JCAD: variants seen among roughly 807,000 people sequenced by gnomAD.
JCAD encodes the protein junctional cadherin 5 associated, also known as junctional cadherin 5-associated protein.
A neutral mutation model predicts 98.0 loss-of-function variants in JCAD; 40 were observed. The observed-to-expected ratio is 0.41, with a 90% CI of 0.32 to 0.53. The LOEUF is 0.53. JCAD is among the 20% of genes least tolerant of loss of function. The pLI is 0.31. For synonymous variants in JCAD, 691 were observed against 682.3 expected, an observed-to-expected ratio of 1.01 and a Z score of -0.20; for missense variants, 1,705 against 1,738.1, an observed-to-expected ratio of 0.98 and a Z score of 0.34.
chr10:30,103,359 A>C (rs1838502854), intron 1 of JCAD, among the ~76,000 whole-genome samples: 1 of 152,206 alleles, frequency 6.6e-6, no homozygotes, highest in South Asian at 2.1e-4. Flanking sequence ...GTTGTTCCTC[A>C]AAAATTAAAA....
At chr10:30,062,268 G>A (rs1053810775), upstream of JCAD, among the ~76,000 whole-genome samples, 29 of 152,182 alleles carry the variant, frequency 1.9e-4, no homozygotes, top group African/African-American at 7.0e-4. Context: ...ATTTCAAGAT[G>A]CTTGTAGTTT....
chr10:30,050,500 G>A (rs1267879704), intron 1 of JCAD, among the ~76,000 whole-genome samples: 1 of 151,836 alleles, frequency 6.6e-6, no homozygotes. Context: ...TTACTATGCC[G>A]GGCTCTTTAA....
upstream of JCAD, among the ~76,000 whole-genome samples, chr10:30,061,434 C>T (rs532390971): frequency 2.0e-5 from 3 of 151,436 alleles, no homozygotes; most frequent in South Asian, 6.3e-4. Flanking sequence ...CCCAGGTACT[C>T]GGGATGCTGA....
intron 2 of JCAD, among the ~76,000 whole-genome samples, chr10:30,064,733 G>A (rs1249128177): frequency 6.6e-6 from 1 of 151,640 alleles, no homozygotes; most frequent in Admixed American, 6.6e-5. Context: ...GTGCAGTGGT[G>A]TAATTTCAGC....
intron 1 of JCAD, among the ~76,000 whole-genome samples, chr10:30,077,079 G>A (rs1243545149): frequency 6.6e-6 from 1 of 152,138 alleles, no homozygotes; most frequent in African/African-American, 2.4e-5. Flanking sequence ...CAGCCTGGGC[G>A]GGCCACTGAA....
rs61741026 is a variant in JCAD, at chr10:30,026,310, C to A, written c.3838G>T (p.Asp1280Tyr). 1.4e-5 allele frequency: 22 copies of A among 1,613,946 alleles called. No homozygotes were observed. Among genetic ancestry groups the A allele is most frequent in the Admixed American group, 5.0e-5 (3 of 60,014 alleles). Residue 1280 changes from aspartate (D) to tyrosine (Y), a missense_variant, in exon 3 of 4, where the codon GAC becomes TAC. By Grantham distance (160) the Asp-to-Tyr change is radical. Transcript: ENST00000375377. Reference protein sequence around the residue: ...RMRVLSFRNADSQEDAEELKA... With the variant: ...RMRVLSFRNAYSQEDAEELKA... ...AATTCCTCGGCGTCCTCCTGGGAGT[C>A]GGCATTCCTGAAGCTCAGGACTCTC... is the stretch of plus-strand genomic sequence containing the variant.
chr10:30,027,372 G>C lies in JCAD; in HGVS notation c.2776C>G (p.Arg926Gly). 1 of 1,609,452 alleles carries C rather than the reference G, an allele frequency of 6.2e-7. No individual in the cohort carries two copies. Among genetic ancestry groups the C allele is most frequent in the South Asian group, 1.1e-5 (1 of 91,088 alleles). ...CGGCCCGGGGATGGAGGCCAGGCAC[G>C]TGGGTGGCCAGGCTGCAGCTCCTCA... is the stretch of plus-strand genomic sequence containing the variant. ...WSEELQPGHP[R>G]AWPPSPGRFR... Residue 926 changes from arginine to glycine, a missense_variant, in exon 3 of 4, where the codon CGT (arginine) becomes GGT (glycine). Arg to Gly is a moderately radical substitution (Grantham distance 125). Coordinates refer to ENST00000375377, the MANE Select transcript of JCAD (RefSeq NM_020848.4).
chr10:30,065,350 A>T (rs569999549), intron 2 of JCAD, among the ~76,000 whole-genome samples: 3 of 152,284 alleles, frequency 2.0e-5, no homozygotes, highest in African/African-American at 7.2e-5. Flanking sequence ...TATTACATGG[A>T]TCCTGAAAAT....
At chr10:30,033,816 C>G (rs2132625745) in intron 2 of JCAD, among the ~76,000 whole-genome samples, 1 of 152,300 alleles carries the variant, frequency 6.6e-6, no homozygotes, top group East Asian at 1.9e-4. Flanking sequence ...CCCTTCCAAT[C>G]ACAGAGGCAG....
intron 2 of JCAD, among the ~76,000 whole-genome samples, chr10:30,065,281 A>C (rs1837764123): frequency 6.6e-6 from 1 of 152,192 alleles, no homozygotes; most frequent in African/African-American, 2.4e-5. Flanking sequence ...AGAAAAGATA[A>C]ATATTTAAGG....
At chr10:30,092,643 G>A (rs1296042734) in intron 1 of JCAD, among the ~76,000 whole-genome samples, 1 of 152,162 alleles carries the variant, frequency 6.6e-6, no homozygotes, top group African/African-American at 2.4e-5. Context: ...CTGTGGGCAG[G>A]ATGAATAACA....
Position 30,017,809 on chromosome 10 carries a change from G to T in JCAD, c.*74C>A. 1 of 1,352,336 alleles carries T rather than the reference G, an allele frequency of 7.4e-7. No individual in the cohort carries two copies. Among genetic ancestry groups the T allele is most frequent in the Non-Finnish European group, 1.1e-6 (1 of 941,484 alleles). 83.8% of individuals were successfully genotyped at this position (1,352,336 alleles called of 1,614,324 possible). A position where few individuals can be genotyped will look rare whatever the true frequency, so the allele number is the denominator to read the frequency against. On this transcript the variant is annotated 3_prime_UTR_variant, in exon 4 of 4. Coordinates refer to ENST00000375377, the MANE Select transcript of JCAD (RefSeq NM_020848.4). ...TCCAGCTTCTACATGGGGAAGTGGG[G>T]CTGATAGACTAAATCTACCAGCTAC...
At position 30,065,580 on chromosome 10, in the gene JCAD, C is replaced by T. The variant is rs979380041; in HGVS notation, n.250+4120G>A. 5.3e-5 allele frequency among the ~76,000 whole-genome samples: 8 copies of T among 152,186 alleles called. No individual in the cohort carries two copies. In the East Asian group the frequency reaches 1.5e-3, roughly 29 times the overall value. ...GCAGTGGTGTGATCACAGCTCACTG[C>T]AGCCTTGACCTCCTGGGCTCAAGCC... On this transcript the variant is annotated intron_variant and non_coding_transcript_variant, in intron 2 of 2. Coordinates refer to the JCAD transcript ENST00000465712.
chr10:30,026,855 G>A lies in JCAD; in HGVS notation c.3293C>T (p.Ser1098Phe), dbSNP rs1356916649. Residue 1098 changes from serine (S) to phenylalanine (F), a missense_variant, in exon 3 of 4, where the codon TCC becomes TTC. Coordinates refer to ENST00000375377, the MANE Select transcript of JCAD (RefSeq NM_020848.4). ...RILGIEVAVE[S>F]LLPGIRRAGQ... ...CGCTCTCCGGATGCCCGGCAGGAGG[G>A]ACTCCACCGCCACCTCAATGCCCAG... 4 of 1,613,850 alleles carry A rather than the reference G, an allele frequency of 2.5e-6. No individual in the cohort carries two copies. The highest frequency in any genetic ancestry group is 1.6e-4 in the Middle Eastern group (1 of 6,084).
Position 30,031,885 on chromosome 10 carries a change from G to A in JCAD, c.282-2019C>T, listed in dbSNP as rs535581990. On this transcript the variant is annotated intron_variant, in intron 2 of 3. Coordinates refer to ENST00000375377, the MANE Select transcript of JCAD (RefSeq NM_020848.4). ...TTCTCCTGCCTCAGCCTCCCAAGTA[G>A]CTGGGACTACAGGCGCCCGCCACTA... Among the ~76,000 whole-genome samples the A allele has an allele frequency of 7.3e-5, 11 of 149,858 alleles. No homozygotes were observed. In the South Asian group the frequency reaches 2.3e-3, roughly 32 times the overall value.
intron 1 of JCAD, among the ~76,000 whole-genome samples, chr10:30,093,562 T>C (rs1295487291): frequency 5.9e-5 from 9 of 152,342 alleles, no homozygotes; most frequent in Middle Eastern, 3.4e-3. Context: ...GAGTCTCTTA[T>C]AGGATTGCTT....
chr10:30,042,149 T>A (rs900951159), intron 2 of JCAD, among the ~76,000 whole-genome samples: 1 of 152,214 alleles, frequency 6.6e-6, no homozygotes, highest in African/African-American at 2.4e-5. Flanking sequence ...GAGCTCTCTA[T>A]GGAGTCAACG....
intron 1 of JCAD, among the ~76,000 whole-genome samples, chr10:30,051,284 G>GCA (rs58845322): frequency 0.042 from 6,226 of 146,796 alleles, 142 homozygotes; most frequent in African/African-American, 0.057. Flanking sequence ...ACACACGCAC[G>GCA]CACACACACA....
chr10:30,047,175 C>G (rs1374952306), intron 2 of JCAD, among the ~76,000 whole-genome samples: 1 of 152,002 alleles, frequency 6.6e-6, no homozygotes, highest in Non-Finnish European at 1.5e-5. Flanking sequence ...AGTTCGAGAC[C>G]AGCCTGACTA....
Sources: gnomAD v4.1 joint callset for allele counts (sites outside exome capture counted in the v4.1 genomes callset) on GRCh38, gnomAD v4.1.1 for gene constraint, MANE v1.5 for transcripts, NCBI Gene and HGNC (gene_info 2026-07-23, HGNC 2026-07-21) for gene names.